The following INSR variants were observed in gnomAD, a reference collection of about 807,000 sequenced individuals.
INSR encodes the protein insulin receptor.
A neutral mutation model predicts 142.6 loss-of-function variants in INSR; 67 were observed. The observed-to-expected ratio is 0.47, with a 90% CI of 0.39 to 0.58. INSR has a LOEUF of 0.58. INSR is among the 20% of genes least tolerant of loss of function. INSR has a pLI of 0.00. For missense variants in INSR, 1,248 were observed against 1,833.2 expected, an observed-to-expected ratio of 0.68 and a Z score of 5.83; for synonymous variants, 756 against 743.1, an observed-to-expected ratio of 1.02 and a Z score of -0.28.
At position 7,150,606 on chromosome 19, in the gene INSR, G is replaced by A; in HGVS notation, c.2232-74C>T. ...ACAGACCACTGGGCTCTGACACTTGGAGGCCACATGTGTCCGAGTAAGGGC... is the reference window on the plus strand; with the variant it reads ...ACAGACCACTGGGCTCTGACACTTGAAGGCCACATGTGTCCGAGTAAGGGC... On this transcript the variant is annotated intron_variant, in intron 10 of 21. Coordinates refer to ENST00000302850, the MANE Select transcript of INSR (RefSeq NM_000208.4). This position sits in a 1 kb window ranked among gnomAD's most constrained non-coding sequence, Gnocchi z 4.2. 6 of 1,433,264 alleles carry A rather than the reference G, an allele frequency of 4.2e-6. No homozygotes were observed. The highest frequency in any genetic ancestry group is 5.9e-6 in the Non-Finnish European group (6 of 1,017,706). The allele number at this position is 1,433,264 out of a possible 1,614,324, so 88.8% of individuals were successfully genotyped here.
At chr19:7,153,756 C>G (rs1034143290) in intron 9 of INSR, among the ~76,000 whole-genome samples, 2 of 151,962 alleles carry the variant, frequency 1.3e-5, no homozygotes, top group African/African-American at 4.8e-5. Context: ...TGGCTCACAC[C>G]CTTAATCCTG....
In INSR at chr19:7,267,745, G is replaced by T; in HGVS notation, c.252C>A (p.Ile84=). ...CCCGGAAGAGCAGCAAGTAATCAGT[G>T]ATCATGATGAGTTTGGGGAAACTGA... ...RDLSFPKLIM[I]TDYLLLFRVY... is the part of the protein sequence containing the mutation. Residue 84 remains isoleucine, a synonymous_variant, in exon 2 of 22, where the codon ATC becomes ATA. Transcript: ENST00000302850. This position sits in a 1 kb window ranked among gnomAD's most constrained non-coding sequence, Gnocchi z 6.3. 8.7e-6 allele frequency: 14 copies of T among 1,614,160 alleles called. No individual in the cohort carries two copies. The highest frequency in any genetic ancestry group is 1.2e-5 in the Non-Finnish European group (14 of 1,180,026).
chr19:7,200,563 G>C (rs1001905020), intron 2 of INSR, among the ~76,000 whole-genome samples: 4 of 151,540 alleles, frequency 2.6e-5, no homozygotes, highest in African/African-American at 7.3e-5. Context: ...AATTAGCTGG[G>C]CATGATGATA....
At chr19:7,291,051 CAG>C (rs1968480508) in intron 1 of INSR, among the ~76,000 whole-genome samples, 1 of 150,840 alleles carries the variant, frequency 6.6e-6, no homozygotes, top group Non-Finnish European at 1.5e-5. Context: ...GCCTGGGTGA[CAG>C]AGCAAGACTC....
At chr19:7,211,452 C>G (rs1229014442) in intron 2 of INSR, among the ~76,000 whole-genome samples, 3 of 152,158 alleles carry the variant, frequency 2.0e-5, no homozygotes, top group African/African-American at 7.2e-5. Context: ...GGATTTCACT[C>G]CATCCTCTGT....
rs556059388 is a variant in INSR, at chr19:7,157,575, G to A, written c.2030-4648C>T. Reference sequence around the variant, plus strand: ...ATCGCACCCAGCCTACAATACTTAAGTACCGCAGCTGGTCATGTCTTAAGC... The same window carrying A: ...ATCGCACCCAGCCTACAATACTTAAATACCGCAGCTGGTCATGTCTTAAGC... On this transcript the variant is annotated intron_variant, in intron 9 of 21. Coordinates refer to ENST00000302850, the MANE Select transcript of INSR (RefSeq NM_000208.4). Among the ~76,000 whole-genome samples, 10 of 152,126 alleles carry A rather than the reference G, an allele frequency of 6.6e-5. No individual in the cohort carries two copies. The East Asian group carries it at 1.2e-3, about 18-fold the overall frequency.
chr19:7,172,558 T>C, intron 4 of INSR, 124 bp from the exon 5 acceptor site: 1 of 1,039,372 alleles, frequency 9.6e-7, no homozygotes, highest in Non-Finnish European at 1.5e-6. Context: ...TCAAAACTCA[T>C]CATGCTTAGA....
At chr19:7,215,112 T>G (rs969203829) in intron 2 of INSR, among the ~76,000 whole-genome samples, 1 of 151,914 alleles carries the variant, frequency 6.6e-6, no homozygotes, top group Non-Finnish European at 1.5e-5. Flanking sequence ...CACGCCACTG[T>G]GCCTGGCTAA....
intron 2 of INSR, among the ~76,000 whole-genome samples, chr19:7,226,580 T>A (rs1975791148): frequency 6.6e-6 from 1 of 151,554 alleles, no homozygotes; most frequent in African/African-American, 2.4e-5. Flanking sequence ...ATATAAAAAT[T>A]AGCCAGGTGC....
chr19:7,162,906 G>A, intron 9 of INSR, 126 bp downstream of exon 9: 2 of 751,106 alleles, frequency 2.7e-6, no homozygotes, highest in South Asian at 2.9e-5. Context: ...AGAATGGAGT[G>A]TGTGTGTGTG....
At chr19:7,254,272 G>T (rs4372802) in intron 2 of INSR, among the ~76,000 whole-genome samples, 1 of 151,814 alleles carries the variant, frequency 6.6e-6, no homozygotes, top group Non-Finnish European at 1.5e-5. Flanking sequence ...CTTAGCTAAT[G>T]GGGGAGGCTG....
intron 19 of INSR, among the ~76,000 whole-genome samples, chr19:7,121,338 T>C (rs1276816187): frequency 1.3e-5 from 2 of 152,172 alleles, no homozygotes; most frequent in African/African-American, 2.4e-5. Context: ...ATCATATCAC[T>C]TCCTGCTGCC....
At chr19:7,177,099 G>A (rs775178655) in intron 3 of INSR, among the ~76,000 whole-genome samples, 4 of 152,304 alleles carry the variant, frequency 2.6e-5, no homozygotes, top group Middle Eastern at 3.4e-3. Context: ...TTGGGAACCA[G>A]TCCTCCCCAA....
chr19:7,131,476 T>C (rs1283165788), intron 14 of INSR, among the ~76,000 whole-genome samples: 2 of 151,514 alleles, frequency 1.3e-5, no homozygotes, highest in Non-Finnish European at 2.9e-5. Context: ...CCTGAGTAGC[T>C]GGGACTACAG....
At chr19:7,286,762 G>A (rs1337899184) in intron 1 of INSR, among the ~76,000 whole-genome samples, 1 of 151,480 alleles carries the variant, frequency 6.6e-6, no homozygotes. Context: ...TTTTTGCAAT[G>A]AGAATGCATT....
At chr19:7,252,001 C>T (rs1343176240) in intron 2 of INSR, among the ~76,000 whole-genome samples, 3 of 152,160 alleles carry the variant, frequency 2.0e-5, no homozygotes, top group Non-Finnish European at 2.9e-5. Flanking sequence ...AGCCCAGGTG[C>T]GGTGGCTCAC....
chr19:7,254,949 G>A (rs1315434299), intron 2 of INSR, among the ~76,000 whole-genome samples: 2 of 152,094 alleles, frequency 1.3e-5, no homozygotes, highest in South Asian at 2.1e-4. Flanking sequence ...AACTCTACCC[G>A]CCTTCTTCCC....
Position 7,115,463 on chromosome 19 carries a change from C to T in INSR, c.*1593G>A, listed in dbSNP as rs1972300890. The stretch of plus-strand genomic sequence containing the variant: ...ACCACACCTGGCCCAGATGAGGTCA[C>T]CGGGCTCAGAGCAGCTTCCGGGAGT... On this transcript the variant is annotated 3_prime_UTR_variant, in exon 22 of 22. Coordinates refer to ENST00000302850, the MANE Select transcript of INSR (RefSeq NM_000208.4). 1 of 152,206 alleles carries T rather than the reference C, an allele frequency of 6.6e-6. No homozygotes were observed. The highest frequency in any genetic ancestry group is 2.1e-4 in the South Asian group (1 of 4,830). 9.4% of individuals were successfully genotyped at this position (152,206 alleles called of 1,614,324 possible).
intron 2 of INSR, among the ~76,000 whole-genome samples, chr19:7,253,016 G>A (rs1430774893): frequency 1.3e-5 from 2 of 151,912 alleles, no homozygotes; most frequent in Non-Finnish European, 2.9e-5. Context: ...TCAGGAGGCT[G>A]AGGCGGGGGA....
Sources: gnomAD v4.1 joint callset for allele counts (sites outside exome capture counted in the v4.1 genomes callset) on GRCh38, gnomAD v4.1.1 for gene constraint, Gnocchi (gnomAD v3.1) non-coding constraint, MANE v1.5 for transcripts, NCBI Gene and HGNC (gene_info 2026-07-23, HGNC 2026-07-21) for gene names.